Variants in GMDS observed in about 807,000 individuals in gnomAD.
GMDS encodes the protein GDP-mannose 4,6-dehydratase.
GMDS carries 20 observed loss-of-function variants against 49.9 expected under a neutral mutation model. The observed-to-expected ratio is 0.40, with a 90% CI of 0.28 to 0.58. The LOEUF is 0.58. Ranked by LOEUF, GMDS falls within the 20% of genes least tolerant of loss-of-function variation. The pLI is 0.42. For synonymous variants in GMDS, 177 were observed against 178.6 expected, an observed-to-expected ratio of 0.99 and a Z score of 0.07; for missense variants, 362 against 481.4, an observed-to-expected ratio of 0.75 and a Z score of 2.32.
At chr6:2,064,761 A>C (rs1236150648) in intron 4 of GMDS, among the ~76,000 whole-genome samples, 6 of 152,280 alleles carry the variant, frequency 3.9e-5, no homozygotes, top group African/African-American at 1.4e-4. Flanking sequence ...CCTTTTCAGA[A>C]AACCTAGGCT....
intron 4 of GMDS, among the ~76,000 whole-genome samples, chr6:2,108,871 A>C (rs1272635392): frequency 6.6e-6 from 1 of 152,194 alleles, no homozygotes; most frequent in Non-Finnish European, 1.5e-5. Context: ...TAAGTGCTTG[A>C]GCTGGCTCTG....
intron 4 of GMDS, among the ~76,000 whole-genome samples, chr6:2,002,204 T>C (rs1766860846): frequency 1.3e-5 from 2 of 152,184 alleles, no homozygotes; most frequent in Non-Finnish European, 1.5e-5. Flanking sequence ...CATTCATTTA[T>C]TCATTTAACA....
At position 2,138,936 on chromosome 6, in the gene GMDS, C is replaced by G. The variant is rs190310566; in HGVS notation, c.103-14205G>C. Reference sequence around the variant, plus strand: ...TGTTCCCACTGCTTTGATCATACTACTAATTTCTGTATCTGTACTCACTCC... The same window carrying G: ...TGTTCCCACTGCTTTGATCATACTAGTAATTTCTGTATCTGTACTCACTCC... On this transcript the variant is annotated intron_variant, in intron 1 of 10. Transcript: ENST00000380815. Among the ~76,000 whole-genome samples, 24 of 152,246 alleles carry G rather than the reference C, an allele frequency of 1.6e-4. 1 individual carries two copies. In the East Asian group the frequency reaches 3.5e-3, roughly 22 times the overall value.
At chr6:1,784,953 A>C (rs1769259216) in intron 7 of GMDS, among the ~76,000 whole-genome samples, 1 of 152,256 alleles carries the variant, frequency 6.6e-6, no homozygotes, top group Non-Finnish European at 1.5e-5. Context: ...TAAAATATGA[A>C]GAAAAAGTTA....
intron 4 of GMDS, among the ~76,000 whole-genome samples, chr6:2,111,649 A>T (rs961284208): frequency 6.6e-6 from 1 of 152,202 alleles, no homozygotes; most frequent in Non-Finnish European, 1.5e-5. Context: ...AACAACACCC[A>T]GTCTAGAAGT....
At chr6:2,000,671 GTTCT>G (rs1561962952) in intron 4 of GMDS, among the ~76,000 whole-genome samples, 3 of 151,978 alleles carry the variant, frequency 2.0e-5, no homozygotes, top group East Asian at 3.9e-4. Flanking sequence ...TGTTTTAGTG[GTTCT>G]TTGAGAGACA....
At chr6:2,034,885 A>G (rs1410157377) in intron 4 of GMDS, among the ~76,000 whole-genome samples, 1 of 152,172 alleles carries the variant, frequency 6.6e-6, no homozygotes, top group Non-Finnish European at 1.5e-5. Context: ...CCTGGAAGGT[A>G]GGCATCATTC....
intron 9 of GMDS, among the ~76,000 whole-genome samples, chr6:1,669,797 A>C (rs1444356127): frequency 6.6e-6 from 1 of 151,498 alleles, no homozygotes; most frequent in African/African-American, 2.4e-5. Context: ...CCTGTAATCA[A>C]AGCTACTAGT....
rs1003130581 is a variant in GMDS at position 1,635,335 on chromosome 6, G to A, written c.988-10795C>T. Among the ~76,000 whole-genome samples the A allele has an allele frequency of 5.9e-5, 9 of 152,142 alleles. No individual in the cohort carries two copies. Among genetic ancestry groups the A allele is most frequent in the Non-Finnish European group, 1.3e-4 (9 of 68,038 alleles). On this transcript the variant is annotated intron_variant, in intron 9 of 10. Transcript: ENST00000380815. This position sits in a 1 kb window ranked among gnomAD's most constrained non-coding sequence, Gnocchi z 4.7. ...GTCTTCTTCCGTGACCCTGGTCCACGGGACAGGCGAGGAAAGGGTTAAGGC... is the reference window on the plus strand; with the variant it reads ...GTCTTCTTCCGTGACCCTGGTCCACAGGACAGGCGAGGAAAGGGTTAAGGC...
At chr6:1,914,111 C>T (rs1761222974) in intron 7 of GMDS, among the ~76,000 whole-genome samples, 1 of 137,604 alleles carries the variant, frequency 7.3e-6, no homozygotes, top group Non-Finnish European at 1.5e-5. Flanking sequence ...TGTCAATTAT[C>T]ATGAAAGCGT....
At chr6:1,857,091 A>G (rs1170311138) in intron 7 of GMDS, among the ~76,000 whole-genome samples, 1 of 152,230 alleles carries the variant, frequency 6.6e-6, no homozygotes, top group East Asian at 1.9e-4. Context: ...AGCACTTGCC[A>G]TTCGAATCTG....
intron 1 of GMDS, among the ~76,000 whole-genome samples, chr6:2,173,720 C>A (rs1778134848): frequency 6.6e-6 from 1 of 152,176 alleles, no homozygotes; most frequent in Admixed American, 6.5e-5. Flanking sequence ...GGAAAATACC[C>A]AGGCTTCTGA....
chr6:1,639,412 C>T (rs742558), intron 9 of GMDS, among the ~76,000 whole-genome samples: 5,650 of 152,266 alleles, frequency 0.037, 429 homozygotes, highest in East Asian at 0.24. Flanking sequence ...GGTAGGGAGA[C>T]GAAGTGCAAG....
At chr6:2,069,400 A>G (rs1423749414) in intron 4 of GMDS, among the ~76,000 whole-genome samples, 1 of 152,138 alleles carries the variant, frequency 6.6e-6, no homozygotes, top group Admixed American at 6.5e-5. Context: ...TGGCAACAAA[A>G]GCCAAAATTG....
intron 9 of GMDS, among the ~76,000 whole-genome samples, chr6:1,657,560 C>T (rs939000295): frequency 5.9e-5 from 9 of 152,110 alleles, no homozygotes; most frequent in Non-Finnish European, 1.2e-4. Flanking sequence ...ACACTGATAC[C>T]CTCCATTGTT....
At chr6:1,886,713 C>T (rs1382284704) in intron 7 of GMDS, among the ~76,000 whole-genome samples, 2 of 152,110 alleles carry the variant, frequency 1.3e-5, no homozygotes, top group Non-Finnish European at 2.9e-5. Flanking sequence ...GTTTCTGTGT[C>T]AGAGGTAATA....
chr6:1,835,354 C>CT (rs138387735), intron 7 of GMDS, among the ~76,000 whole-genome samples: 192 of 152,274 alleles, frequency 1.3e-3, no homozygotes, highest in African/African-American at 4.3e-3. Flanking sequence ...AAGGAGGCGG[C>CT]TTTGCTCTCC....
intron 1 of GMDS, among the ~76,000 whole-genome samples, chr6:2,196,956 C>G (rs78072367): frequency 6.6e-6 from 1 of 152,100 alleles, no homozygotes; most frequent in Admixed American, 6.5e-5. Context: ...TGATTCTAAA[C>G]GGATACTTGT....
At chr6:2,184,676 A>C (rs747462727) in intron 1 of GMDS, among the ~76,000 whole-genome samples, 2 of 152,218 alleles carry the variant, frequency 1.3e-5, no homozygotes, top group Non-Finnish European at 2.9e-5. Context: ...TCTGTCATAA[A>C]ACTTTTGTAA....
Sources: allele counts gnomAD v4.1 joint callset (sites outside exome capture counted in the v4.1 genomes callset), GRCh38; gene constraint gnomAD v4.1.1; non-coding constraint Gnocchi (gnomAD v3.1); transcripts MANE v1.5; gene names NCBI Gene and HGNC (gene_info 2026-07-23, HGNC 2026-07-21).